Variants in AFDN observed in about 807,000 individuals in gnomAD.
AFDN encodes the protein afadin.
AFDN carries 68 observed loss-of-function variants against 216.6 expected under a neutral mutation model. That is an observed-to-expected ratio of 0.31 (90% confidence interval 0.26 to 0.38). The LOEUF (loss-of-function observed/expected upper bound fraction) is 0.38. Among genes scored for constraint, AFDN ranks in the 10% least tolerant of loss-of-function variants. The probability of loss-of-function intolerance (pLI) is 1.00; values close to 1 mark genes in which losing one functional copy is unlikely to be tolerated. For missense variants in AFDN, 2,136 were observed against 2,342.0 expected, an observed-to-expected ratio of 0.91 and a Z score of 1.82; for synonymous variants, 868 against 853.7, an observed-to-expected ratio of 1.02 and a Z score of -0.29.
chr6:167,868,353 C>CTGG (rs1784419841), intron 2 of AFDN, among the ~76,000 whole-genome samples: 1 of 152,104 alleles, frequency 6.6e-6, no homozygotes, highest in African/African-American at 2.4e-5. Flanking sequence ...TCAGATCAGC[C>CTGG]TGGGCAACAT....
At chr6:167,942,245 G>T (rs1794780364) in intron 23 of AFDN, among the ~76,000 whole-genome samples, 2 of 152,198 alleles carry the variant, frequency 1.3e-5, no homozygotes, top group Non-Finnish European at 2.9e-5. Flanking sequence ...CAGAAAATCT[G>T]TTTTAACTAA....
At chr6:167,939,435 T>C (rs1438920293) in intron 23 of AFDN, among the ~76,000 whole-genome samples, 4 of 152,178 alleles carry the variant, frequency 2.6e-5, no homozygotes, top group Non-Finnish European at 5.9e-5. Context: ...GGGTACCAGC[T>C]GGAAGGGAAT....
rs1562365107 is a variant in AFDN, at chr6:167,971,170, T to A, written c.*1235T>A. On this transcript the variant is annotated 3_prime_UTR_variant, in exon 34 of 34. Coordinates refer to ENST00000683244, the MANE Select transcript of AFDN (RefSeq NM_001386888.1). ...ATTTTCTATTTGACAAAGCCCTTGG[T>A]GGAGTCCAAATGATTTTTCTGTACC... is the stretch of plus-strand genomic sequence containing the variant. 2.3e-5 allele frequency: 5 copies of A among 221,328 alleles called. No individual in the cohort carries two copies. The highest frequency in any genetic ancestry group is 4.5e-5 in the Non-Finnish European group (5 of 110,722). 13.7% of individuals were successfully genotyped at this position (221,328 alleles called of 1,614,324 possible). A position where few individuals can be genotyped will look rare whatever the true frequency, so the allele number is the denominator to read the frequency against.
In AFDN at chr6:167,836,422, C is replaced by T. The variant is rs150612680; in HGVS notation, c.105+9185C>T. The stretch of plus-strand genomic sequence containing the variant: ...TCCTACTATGTTTAGTTGTATTTTC[C>T]CTTGGCTTATTTCCTGAGAAACAGA... On this transcript the variant is annotated intron_variant, in intron 1 of 33. Transcript: ENST00000683244. Among the ~76,000 whole-genome samples the T allele has an allele frequency of 6.9e-3, 1,049 of 152,226 alleles. 17 individuals carry two copies. The highest frequency in any genetic ancestry group is 0.024 in the African/African-American group (1,008 of 41,502).
At chr6:167,913,526 C>T (rs749211345) in intron 16 of AFDN, 103 bp downstream of exon 16, 2 of 1,047,910 alleles carry the variant, frequency 1.9e-6, no homozygotes, top group Non-Finnish European at 2.8e-6. Context: ...CTGAACAGCT[C>T]ATAACACTCA....
intron 23 of AFDN, among the ~76,000 whole-genome samples, chr6:167,934,215 G>T (rs1460020093): frequency 6.6e-6 from 1 of 152,150 alleles, no homozygotes; most frequent in Admixed American, 6.5e-5. Flanking sequence ...GATAGATGTG[G>T]TCTGTTGGGT....
intron 13 of AFDN, among the ~76,000 whole-genome samples, chr6:167,908,190 A>G (rs895420243): frequency 6.6e-6 from 1 of 152,250 alleles, no homozygotes; most frequent in Non-Finnish European, 1.5e-5. Context: ...TAGATGAGGC[A>G]GGCGACTTGC....
Position 167,940,159 on chromosome 6 carries a change from T to G in AFDN, c.3100-2970T>G, listed in dbSNP as rs1195208304. Reference sequence around the variant, plus strand: ...CTGGGACTGGGCTGGAGACTTGCATTGAGGTGAGAGTGGAAACCATCCACA... The same window carrying G: ...CTGGGACTGGGCTGGAGACTTGCATGGAGGTGAGAGTGGAAACCATCCACA... On this transcript the variant is annotated intron_variant, in intron 23 of 33. Coordinates refer to ENST00000683244, the MANE Select transcript of AFDN (RefSeq NM_001386888.1). 2.6e-5 allele frequency among the ~76,000 whole-genome samples: 4 copies of G among 152,246 alleles called. No homozygotes were observed. In the East Asian group the frequency reaches 7.7e-4, roughly 29 times the overall value.
At chr6:167,953,244 T>G (rs183217740) in intron 30 of AFDN, among the ~76,000 whole-genome samples, 1 of 152,316 alleles carries the variant, frequency 6.6e-6, no homozygotes, top group Non-Finnish European at 1.5e-5. Flanking sequence ...ATGGTAAAGC[T>G]CTACCAGGAG....
Position 167,970,900 on chromosome 6 carries a change from A to T in AFDN, c.*965A>T, listed in dbSNP as rs1206646868. The T allele has an allele frequency of 4.2e-5, 9 of 213,890 alleles. No individual in the cohort carries two copies. 13.2% of individuals were successfully genotyped at this position (213,890 alleles called of 1,614,324 possible). A position where few individuals can be genotyped will look rare whatever the true frequency, so the allele number is the denominator to read the frequency against. The stretch of plus-strand genomic sequence containing the variant: ...GAAAAAGAAATCGATTTTCATCTGT[A>T]TGCCGTCAAGGAAGGAATTCAGTTA... On this transcript the variant is annotated 3_prime_UTR_variant, in exon 34 of 34. Transcript: ENST00000683244.
chr6:167,853,123 G>GAAAATATAAAT (rs1356113395), intron 1 of AFDN, among the ~76,000 whole-genome samples: 16 of 152,036 alleles, frequency 1.1e-4, no homozygotes, highest in African/African-American at 3.6e-4. Context: ...GAAAAACTAG[G>GAAAATATAAAT]AGGTATTTAT....
rs761425578 is a variant in AFDN at position 167,918,834 on chromosome 6, C to T, written c.2809C>T (p.Gln937Ter). ...GCAGTTGGAGGAGGATCCTGATCTGCAGCTGCCGTTTCTTTTGCCAGAAGA... is the reference window on the plus strand; with the variant it reads ...GCAGTTGGAGGAGGATCCTGATCTGTAGCTGCCGTTTCTTTTGCCAGAAGA... The part of the protein sequence containing the change: ...EVQLEEDPDL[Q>*]LPFLLPEDGY... Residue 937 changes from glutamine (Q) to a stop codon, truncating the protein, a stop_gained, in exon 21 of 34, where the codon CAG becomes TAG. Transcript: ENST00000683244. LOFTEE classifies it high-confidence loss of function. 2 of 1,612,708 alleles carry T rather than the reference C, an allele frequency of 1.2e-6. No homozygotes were observed. The highest frequency in any genetic ancestry group is 1.7e-6 in the Non-Finnish European group (2 of 1,179,264).
chr6:167,952,313 T>C (rs774952387), intron 30 of AFDN, 126 bp downstream of exon 30: 8 of 1,537,438 alleles, frequency 5.2e-6, no homozygotes, highest in Non-Finnish European at 7.0e-6. Flanking sequence ...GCTTATACTG[T>C]TTTATTGTAT....
Position 167,845,532 on chromosome 6 carries a change from G to C in AFDN, c.105+18295G>C, listed in dbSNP as rs550147860. 2.0e-5 allele frequency among the ~76,000 whole-genome samples: 3 copies of C among 152,112 alleles called. No individual in the cohort carries two copies. In the South Asian group the frequency reaches 6.2e-4, roughly 32 times the overall value. ...CCTGCCTCAGTCTCCCTAGTAGCTG[G>C]GATTACAGGCAGATGGTATTTTTAG... On this transcript the variant is annotated intron_variant, in intron 1 of 33. Coordinates refer to ENST00000683244, the MANE Select transcript of AFDN (RefSeq NM_001386888.1).
At chr6:167,871,287 A>G (rs1784765480) in intron 3 of AFDN, among the ~76,000 whole-genome samples, 1 of 152,190 alleles carries the variant, frequency 6.6e-6, no homozygotes, top group South Asian at 2.1e-4. Flanking sequence ...CAGCAAATAC[A>G]AAAAAAGTTA....
At chr6:167,948,515 C>G (rs1432623035) in intron 29 of AFDN, 37 bp downstream of exon 29, 9 of 1,578,004 alleles carry the variant, frequency 5.7e-6, no homozygotes, top group South Asian at 4.5e-5. Flanking sequence ...TTTCTCACCT[C>G]TCAAGGAGGA....
intron 20 of AFDN, among the ~76,000 whole-genome samples, 192 bp downstream of exon 20, chr6:167,917,424 T>TA (rs1791223792): frequency 1.3e-5 from 2 of 152,264 alleles, no homozygotes; most frequent in Non-Finnish European, 2.9e-5. Context: ...AAAGGGATTT[T>TA]ATTCAGGAAA....
intron 22 of AFDN, among the ~76,000 whole-genome samples, chr6:167,924,103 AAAAAT>A (rs1792184879): frequency 2.0e-5 from 3 of 151,986 alleles, no homozygotes; most frequent in Admixed American, 2.0e-4. Context: ...ATTTAAAAAA[AAAAAT>A]AATAATTCTA....
chr6:167,882,733 A>T (rs1281020733), intron 6 of AFDN, among the ~76,000 whole-genome samples: 2 of 152,168 alleles, frequency 1.3e-5, no homozygotes, highest in African/African-American at 4.8e-5. Flanking sequence ...AGGACTGAAG[A>T]AGTTTAGTTT....
Sources: allele counts gnomAD v4.1 joint callset (sites outside exome capture counted in the v4.1 genomes callset), GRCh38; gene constraint gnomAD v4.1.1; transcripts MANE v1.5; gene names NCBI Gene and HGNC (gene_info 2026-07-23, HGNC 2026-07-21).